Variants in DOCK1 observed in about 807,000 individuals in gnomAD.
DOCK1 encodes the protein dedicator of cytokinesis 1.
In DOCK1, 138 loss-of-function variants were observed where a neutral mutation model predicts 262.7. That is an observed-to-expected ratio of 0.53 (90% CI 0.46 to 0.61). DOCK1 has a LOEUF of 0.61. Ranked by LOEUF, DOCK1 falls within the 20% of genes least tolerant of loss-of-function variation. DOCK1 has a pLI of 0.00. For missense variants in DOCK1, 1,908 were observed against 2,370.7 expected (o/e 0.80, Z 4.05); for synonymous variants, 866 against 867.4 (o/e 1.00, Z 0.03).
At chr10:127,326,398 A>T (rs2062749712) in intron 29 of DOCK1, among the ~76,000 whole-genome samples, 1 of 152,204 alleles carries the variant, frequency 6.6e-6, no homozygotes, top group African/African-American at 2.4e-5. Context: ...TGTTATCAGA[A>T]TCTTCACCAG....
At chr10:127,250,011 A>T (rs2059571161) in intron 28 of DOCK1, among the ~76,000 whole-genome samples, 1 of 152,200 alleles carries the variant, frequency 6.6e-6, no homozygotes, top group African/African-American at 2.4e-5. Flanking sequence ...ATCAAATTTT[A>T]CATTTGTAAC....
At chr10:127,387,745 A>G (rs941225046) in intron 38 of DOCK1, among the ~76,000 whole-genome samples, 5 of 152,180 alleles carry the variant, frequency 3.3e-5, no homozygotes, top group East Asian at 1.9e-4. Flanking sequence ...GTGTGGAAAG[A>G]ATGAACAAAT....
chr10:127,076,444 T>C (rs983960160), intron 23 of DOCK1, among the ~76,000 whole-genome samples: 3 of 152,150 alleles, frequency 2.0e-5, no homozygotes, highest in African/African-American at 7.2e-5. Flanking sequence ...GAGGTTGCAG[T>C]GAGCCAAGAT....
At chr10:126,931,818 G>A (rs1455410113) in intron 1 of DOCK1, among the ~76,000 whole-genome samples, 2 of 152,088 alleles carry the variant, frequency 1.3e-5, no homozygotes, top group African/African-American at 4.8e-5. Context: ...CCTGGGCTTC[G>A]GGAGGATGCA....
chr10:127,377,652 G>C (rs1273227354), intron 35 of DOCK1, among the ~76,000 whole-genome samples: 1 of 152,016 alleles, frequency 6.6e-6, no homozygotes, highest in Non-Finnish European at 1.5e-5. Context: ...TGCACTTTGG[G>C]AGGCCAAGGA....
chr10:126,936,394 A>G (rs1209430260), intron 1 of DOCK1, among the ~76,000 whole-genome samples: 3 of 152,250 alleles, frequency 2.0e-5, no homozygotes, highest in Non-Finnish European at 4.4e-5. Context: ...AAAAGCAGCC[A>G]CAGACAGTGC....
At chr10:127,407,974 G>A (rs908641794) in intron 40 of DOCK1, among the ~76,000 whole-genome samples, 2 of 152,054 alleles carry the variant, frequency 1.3e-5, no homozygotes, top group African/African-American at 4.8e-5. Flanking sequence ...TCCAAAACCA[G>A]CAGCAGCATT....
At chr10:127,265,594 A>G (rs1402559861) in intron 29 of DOCK1, among the ~76,000 whole-genome samples, 1 of 152,168 alleles carries the variant, frequency 6.6e-6, no homozygotes, top group East Asian at 1.9e-4. Flanking sequence ...AGCATATTAC[A>G]TTTTCACCAG....
At chr10:127,379,652 T>C (rs2065719769) in intron 35 of DOCK1, among the ~76,000 whole-genome samples, 1 of 152,246 alleles carries the variant, frequency 6.6e-6, no homozygotes, top group South Asian at 2.1e-4. Context: ...TTGTAGCTCT[T>C]GCTGAGGCTG....
chr10:127,102,508 C>T (rs1225368786), intron 23 of DOCK1, among the ~76,000 whole-genome samples: 2 of 152,164 alleles, frequency 1.3e-5, no homozygotes, highest in Non-Finnish European at 2.9e-5. Context: ...GAAATATTCC[C>T]AGGTAATATA....
intron 29 of DOCK1, among the ~76,000 whole-genome samples, chr10:127,267,146 G>A (rs1306281967): frequency 6.6e-6 from 1 of 152,092 alleles, no homozygotes; most frequent in Non-Finnish European, 1.5e-5. Flanking sequence ...GCTTTTAGAG[G>A]GGACACAGGG....
chr10:127,255,610 C>T (rs1044396546), intron 28 of DOCK1, among the ~76,000 whole-genome samples: 3 of 152,170 alleles, frequency 2.0e-5, no homozygotes, highest in African/African-American at 7.2e-5. Flanking sequence ...AGAACCTCAT[C>T]TCCCACTAGA....
chr10:127,317,142 A>C (rs1421592141), intron 29 of DOCK1, among the ~76,000 whole-genome samples: 1 of 152,186 alleles, frequency 6.6e-6, no homozygotes, highest in Admixed American at 6.5e-5. Flanking sequence ...TTTCAGTAAT[A>C]ACTCTGTGAC....
chr10:127,019,475 G>A (rs535890687), intron 13 of DOCK1, among the ~76,000 whole-genome samples: 9 of 152,262 alleles, frequency 5.9e-5, no homozygotes, highest in Admixed American at 3.9e-4. Flanking sequence ...TTGGCAGGGC[G>A]TAGTGGCTCA....
chr10:127,031,351 C>T (rs1287365926), intron 16 of DOCK1, among the ~76,000 whole-genome samples: 1 of 152,146 alleles, frequency 6.6e-6, no homozygotes, highest in Non-Finnish European at 1.5e-5. Context: ...TGCTGCTCTT[C>T]TTGGCCCTTT....
At chr10:127,372,950 C>T (rs72841523) in intron 33 of DOCK1, among the ~76,000 whole-genome samples, 8,112 of 152,182 alleles carry the variant, frequency 0.053, 315 homozygotes, top group Middle Eastern at 0.092. Flanking sequence ...GTCACCAGGC[C>T]GGAGTCCCAG....
At chr10:127,117,421 A>G (rs982044457) in intron 25 of DOCK1, among the ~76,000 whole-genome samples, 1 of 152,254 alleles carries the variant, frequency 6.6e-6, no homozygotes, top group Non-Finnish European at 1.5e-5. Context: ...TGAGTAATGC[A>G]TTCTGAAAAC....
intron 25 of DOCK1, among the ~76,000 whole-genome samples, chr10:127,123,718 G>A (rs1414400518): frequency 6.6e-6 from 1 of 152,092 alleles, no homozygotes; most frequent in African/African-American, 2.4e-5. Flanking sequence ...TCTTAGACTG[G>A]CTTTGTTCTC....
At chr10:127,213,896 G>T (rs1224098627) in intron 27 of DOCK1, among the ~76,000 whole-genome samples, 5 of 152,158 alleles carry the variant, frequency 3.3e-5, no homozygotes, top group Non-Finnish European at 7.3e-5. Context: ...CTGGAGTGCA[G>T]TGGCGCCATC....
Sources: gnomAD v4.1 joint callset for allele counts (sites outside exome capture counted in the v4.1 genomes callset) on GRCh38, gnomAD v4.1.1 for gene constraint, MANE v1.5 for transcripts, NCBI Gene and HGNC (gene_info 2026-07-23, HGNC 2026-07-21) for gene names.